Variants in ZNF385D observed in about 807,000 individuals in gnomAD.
The protein encoded by ZNF385D is zinc finger protein 385D.
Under a neutral mutation model 35.8 loss-of-function variants are expected in ZNF385D, and 15 were observed. The ratio of observed to expected loss-of-function variants is 0.42; its 90% CI spans 0.28 to 0.64. ZNF385D has a LOEUF of 0.64. ZNF385D is among the 30% of genes least tolerant of loss of function. The pLI is 0.23. For synonymous variants in ZNF385D, 212 were observed against 186.8 expected (o/e 1.13, Z -1.10); for missense variants, 474 against 494.6 (o/e 0.96, Z 0.39).
chr3:22,145,079 C>T (rs1020847695), intron 3 of ZNF385D, among the ~76,000 whole-genome samples: 5 of 151,448 alleles, frequency 3.3e-5, no homozygotes, highest in African/African-American at 1.2e-4. Context: ...TACTTATCAG[C>T]AGTACTCAAA....
chr3:22,022,653 G>A (rs1240950019), intron 3 of ZNF385D, among the ~76,000 whole-genome samples: 1 of 152,110 alleles, frequency 6.6e-6, no homozygotes, highest in Non-Finnish European at 1.5e-5. Flanking sequence ...CCAGAAAAGA[G>A]TCATATATGT....
intron 3 of ZNF385D, among the ~76,000 whole-genome samples, chr3:22,107,807 G>C (rs902423284): frequency 6.6e-6 from 1 of 151,890 alleles, no homozygotes; most frequent in East Asian, 1.9e-4. Flanking sequence ...AATAGTGCTT[G>C]TTTATGTCTA....
chr3:21,838,341 T>G (rs561543505), intron 3 of ZNF385D, among the ~76,000 whole-genome samples: 7 of 152,222 alleles, frequency 4.6e-5, no homozygotes, highest in Admixed American at 6.5e-5. Flanking sequence ...AGTATAGTTA[T>G]GTATGGTATA....
At chr3:21,884,617 T>C (rs1348347428) in intron 3 of ZNF385D, among the ~76,000 whole-genome samples, 1 of 152,022 alleles carries the variant, frequency 6.6e-6, no homozygotes, top group Admixed American at 6.6e-5. Flanking sequence ...AGGCAATAAA[T>C]GGCCAGAACT....
intron 3 of ZNF385D, among the ~76,000 whole-genome samples, chr3:21,847,431 T>C (rs1027575347): frequency 5.9e-5 from 9 of 152,048 alleles, no homozygotes; most frequent in Non-Finnish European, 8.8e-5. Flanking sequence ...AACTGAACAA[T>C]TGCATTTCTA....
chr3:21,793,945 C>T, intron 3 of ZNF385D, among the ~76,000 whole-genome samples: 1 of 152,252 alleles, frequency 6.6e-6, no homozygotes, highest in East Asian at 1.9e-4. Flanking sequence ...TGTAATACCT[C>T]ATTAAGATGG....
At chr3:22,129,665 G>A (rs1703657599) in intron 3 of ZNF385D, among the ~76,000 whole-genome samples, 1 of 151,744 alleles carries the variant, frequency 6.6e-6, no homozygotes, top group African/African-American at 2.4e-5. Flanking sequence ...CAAGACCCAA[G>A]GGCTCTTTAG....
chr3:22,318,766 G>T (rs1704039610), intron 2 of ZNF385D, among the ~76,000 whole-genome samples: 1 of 152,080 alleles, frequency 6.6e-6, no homozygotes, highest in Admixed American at 6.6e-5. Flanking sequence ...GAACAATGTA[G>T]AAGTAATTAA....
chr3:21,562,763 G>C (rs1311608131), intron 3 of ZNF385D, among the ~76,000 whole-genome samples: 2 of 152,096 alleles, frequency 1.3e-5, no homozygotes, highest in African/African-American at 4.8e-5. Flanking sequence ...ATTGTTTGCT[G>C]AGTGTTTAAA....
At chr3:22,116,384 A>G (rs1021033509) in intron 3 of ZNF385D, among the ~76,000 whole-genome samples, 11 of 152,052 alleles carry the variant, frequency 7.2e-5, no homozygotes, top group Non-Finnish European at 1.3e-4. Flanking sequence ...GATTGCTCCA[A>G]TTCAAGAACT....
rs1422854876 is a variant in ZNF385D at position 21,750,799 on chromosome 3, A to ACATATTCT, written c.22+88_22+95dup. 7 of 1,513,576 alleles carry ACATATTCT rather than the reference A, an allele frequency of 4.6e-6. No homozygotes were observed. The Admixed American group carries it at 1.0e-4, about 22-fold the overall frequency. The allele number at this position is 1,513,576 out of a possible 1,614,324, so 93.8% of individuals were successfully genotyped here. The stretch of plus-strand genomic sequence containing the variant: ...GCCAACTGGAGGTAGGTTTAATGTA[A>ACATATTCT]CATATTCTTGCTGCTTAAAGAATTT... On this transcript the variant is annotated intron_variant, in intron 1 of 7. Transcript: ENST00000281523.
intron 2 of ZNF385D, among the ~76,000 whole-genome samples, chr3:21,632,973 C>T (rs1384310097): frequency 6.6e-6 from 1 of 151,964 alleles, no homozygotes; most frequent in Non-Finnish European, 1.5e-5. Flanking sequence ...TATCCATTTA[C>T]TCTAATACAT....
chr3:22,163,275 G>C (rs1200349617), intron 3 of ZNF385D, among the ~76,000 whole-genome samples: 1 of 152,142 alleles, frequency 6.6e-6, no homozygotes, highest in African/African-American at 2.4e-5. Context: ...ATGAATTCTA[G>C]CAGAGCATGA....
intron 3 of ZNF385D, among the ~76,000 whole-genome samples, chr3:21,553,816 G>A (rs773213917): frequency 3.9e-5 from 6 of 152,078 alleles, no homozygotes; most frequent in Non-Finnish European, 7.4e-5. Flanking sequence ...CTCAAGAAAC[G>A]ACTTCCTTAG....
intron 3 of ZNF385D, among the ~76,000 whole-genome samples, chr3:21,895,653 T>C (rs1699098120): frequency 6.6e-6 from 1 of 151,882 alleles, no homozygotes; most frequent in African/African-American, 2.4e-5. Context: ...CTGAAGTGTT[T>C]TTAAACATGA....
chr3:21,713,870 T>C (rs929635382), intron 1 of ZNF385D, among the ~76,000 whole-genome samples: 3 of 152,172 alleles, frequency 2.0e-5, no homozygotes, highest in Non-Finnish European at 4.4e-5. Context: ...TTTTAAAGTT[T>C]ACATGTCACT....
chr3:21,913,346 T>A (rs927437361), intron 3 of ZNF385D, among the ~76,000 whole-genome samples: 4 of 152,106 alleles, frequency 2.6e-5, no homozygotes, highest in South Asian at 2.1e-4. Flanking sequence ...AGGTCGTATA[T>A]CTGAAATAAC....
chr3:21,617,425 A>AAAAAATGGTATTTGGATTAG (rs1255027101), intron 2 of ZNF385D, among the ~76,000 whole-genome samples: 2 of 152,202 alleles, frequency 1.3e-5, no homozygotes, highest in Non-Finnish European at 2.9e-5. Flanking sequence ...GTTTATCTGT[A>AAAAAATGGTATTTGGATTAG]AAAAATGGTA....
intron 3 of ZNF385D, among the ~76,000 whole-genome samples, chr3:21,994,424 T>G (rs1360409993): frequency 6.6e-6 from 1 of 152,236 alleles, no homozygotes; most frequent in Non-Finnish European, 1.5e-5. Flanking sequence ...AATTTCTTAT[T>G]CAGATAATGA....
Sources: allele counts gnomAD v4.1 joint callset (sites outside exome capture counted in the v4.1 genomes callset), GRCh38; gene constraint gnomAD v4.1.1; transcripts MANE v1.5; gene names NCBI Gene and HGNC (gene_info 2026-07-23, HGNC 2026-07-21).